Variants in ROBO2 observed in about 807,000 individuals in gnomAD.
ROBO2 encodes the protein roundabout homolog 2.
ROBO2 carries 53 observed loss-of-function variants against 160.8 expected under a neutral mutation model. That is an observed-to-expected ratio of 0.33 (90% CI 0.26 to 0.41). ROBO2 has a LOEUF of 0.41. Among genes scored for constraint, ROBO2 ranks in the 10% least tolerant of loss-of-function variants. The pLI is 1.00. For missense variants in ROBO2, 1,577 were observed against 1,722.4 expected, an observed-to-expected ratio of 0.92 and a Z score of 1.49; for synonymous variants, 664 against 611.7, an observed-to-expected ratio of 1.09 and a Z score of -1.26.
At chr3:77,572,793 G>T (rs561651340) in intron 13 of ROBO2, among the ~76,000 whole-genome samples, 36 of 151,780 alleles carry the variant, frequency 2.4e-4, no homozygotes, top group Non-Finnish European at 4.6e-4. Context: ...ACATTCATTT[G>T]TTGCCCCCAA....
At chr3:76,475,483 C>G (rs546597039) in intron 2 of ROBO2, among the ~76,000 whole-genome samples, 2 of 150,912 alleles carry the variant, frequency 1.3e-5, no homozygotes, top group Non-Finnish European at 2.9e-5. Context: ...CATTATCTGA[C>G]TTTCACTTTA....
chr3:77,537,507 G>A (rs1353347137), intron 6 of ROBO2, among the ~76,000 whole-genome samples: 1 of 152,054 alleles, frequency 6.6e-6, no homozygotes, highest in Non-Finnish European at 1.5e-5. Flanking sequence ...ATGACTCATG[G>A]TAGTCATTCT....
At chr3:76,550,917 G>GA (rs2083376582) in intron 2 of ROBO2, among the ~76,000 whole-genome samples, 1 of 152,156 alleles carries the variant, frequency 6.6e-6, no homozygotes, top group Non-Finnish European at 1.5e-5. Flanking sequence ...GCAACCCTTA[G>GA]TGTGAACAGC....
chr3:76,689,504 C>T (rs1246866070), intron 2 of ROBO2, among the ~76,000 whole-genome samples: 2 of 152,048 alleles, frequency 1.3e-5, no homozygotes, highest in Non-Finnish European at 2.9e-5. Flanking sequence ...AGTTTTCTAG[C>T]TATTTTGAAA....
intron 2 of ROBO2, among the ~76,000 whole-genome samples, chr3:76,875,195 C>T (rs983526141): frequency 9.9e-5 from 15 of 152,114 alleles, no homozygotes; most frequent in South Asian, 4.2e-4. Flanking sequence ...CAGGAGGATG[C>T]GGCAACGGGG....
chr3:76,171,404 T>G (rs945405454), intron 2 of ROBO2, among the ~76,000 whole-genome samples: 9 of 151,758 alleles, frequency 5.9e-5, no homozygotes, highest in African/African-American at 2.2e-4. Context: ...GAAAGGGAAG[T>G]CAAACCTTGA....
rs571187739 is a variant in ROBO2, at chr3:75,917,806, C to A, written c.-14+10846C>A. On this transcript the variant is annotated intron_variant, in intron 1 of 26. Transcript: ENST00000487694. ...TGACCAGTGATTATGAGCTTTTTTT[C>A]ATGTGTTTATTGGCCACATACATGT... is the stretch of plus-strand genomic sequence containing the variant. Among the ~76,000 whole-genome samples the A allele has an allele frequency of 3.3e-5, 5 of 152,220 alleles. No individual in the cohort carries two copies. In the South Asian group the frequency reaches 1.0e-3, roughly 32 times the overall value.
chr3:76,006,266 A>T (rs2066017367), intron 2 of ROBO2, among the ~76,000 whole-genome samples: 1 of 152,160 alleles, frequency 6.6e-6, no homozygotes, highest in Non-Finnish European at 1.5e-5. Context: ...TGGAAATTGT[A>T]TGTGATAGCA....
chr3:75,970,514 A>G (rs148674390), intron 2 of ROBO2, among the ~76,000 whole-genome samples: 161 of 151,710 alleles, frequency 1.1e-3, no homozygotes, highest in Non-Finnish European at 1.8e-3. Context: ...TCTAAACAGT[A>G]TGTATTGTTT....
chr3:77,601,006 A>G (rs1050498948), intron 19 of ROBO2, among the ~76,000 whole-genome samples: 1 of 152,206 alleles, frequency 6.6e-6, no homozygotes, highest in Non-Finnish European at 1.5e-5. Flanking sequence ...ACAAGCTCCA[A>G]ACTTCAAAAC....
chr3:76,332,751 T>C (rs1439908848), intron 2 of ROBO2, among the ~76,000 whole-genome samples: 3 of 152,194 alleles, frequency 2.0e-5, no homozygotes, highest in Non-Finnish European at 4.4e-5. Flanking sequence ...AAAATAATTT[T>C]TTTTTCCTTC....
At chr3:77,331,421 A>T (rs1235247842) in intron 2 of ROBO2, among the ~76,000 whole-genome samples, 1 of 152,154 alleles carries the variant, frequency 6.6e-6, no homozygotes, top group Non-Finnish European at 1.5e-5. Context: ...AGACTGAAAA[A>T]CAATAAAGCT....
chr3:76,712,240 A>G (rs1257476611), intron 2 of ROBO2, among the ~76,000 whole-genome samples: 1 of 152,212 alleles, frequency 6.6e-6, no homozygotes, highest in Non-Finnish European at 1.5e-5. Context: ...ATCCTTACAT[A>G]AGCTAGATCA....
chr3:76,444,823 C>A (rs563024819), intron 2 of ROBO2, among the ~76,000 whole-genome samples: 1 of 152,046 alleles, frequency 6.6e-6, no homozygotes, highest in Non-Finnish European at 1.5e-5. Context: ...TTGTTTTTAC[C>A]GCTTTTTTAC....
Position 76,353,173 on chromosome 3 carries a change from G to A in ROBO2, c.109+415571G>A, listed in dbSNP as rs777413872. ...ATACTGCTTTGGATCCCTGTTTCAC[G>A]CAGATGACAGAGGCAGGTCTGTCCT... On this transcript the variant is annotated intron_variant, in intron 2 of 26. Coordinates refer to the ROBO2 transcript ENST00000487694. 2.3e-4 allele frequency among the ~76,000 whole-genome samples: 35 copies of A among 152,066 alleles called. 1 individual carries two copies. Among genetic ancestry groups the A allele is most frequent in the Non-Finnish European group, 4.0e-4 (27 of 67,938 alleles).
chr3:76,696,341 G>A (rs770506673), intron 2 of ROBO2, among the ~76,000 whole-genome samples: 1 of 151,132 alleles, frequency 6.6e-6, no homozygotes, highest in African/African-American at 2.4e-5. Flanking sequence ...GTTACCCCTA[G>A]ACACTTATTT....
intron 13 of ROBO2, 97 bp from the exon 15 acceptor site, chr3:77,574,402 T>C: frequency 1.0e-6 from 1 of 1,002,594 alleles, no homozygotes; most frequent in Non-Finnish European, 1.6e-6. Context: ...TTGATAGTTA[T>C]GAGGACAGAA....
At chr3:77,111,683 G>A (rs1049796677) in intron 2 of ROBO2, among the ~76,000 whole-genome samples, 1 of 151,946 alleles carries the variant, frequency 6.6e-6, no homozygotes, top group African/African-American at 2.4e-5. Flanking sequence ...TTCTTTTTTA[G>A]GGGAAGGGAA....
chr3:76,170,492 T>C (rs2073001973), intron 2 of ROBO2, among the ~76,000 whole-genome samples: 1 of 152,152 alleles, frequency 6.6e-6, no homozygotes, highest in Non-Finnish European at 1.5e-5. Context: ...AAAAAGCAAA[T>C]GATACTGGCC....
Sources: gnomAD v4.1 joint callset for allele counts (sites outside exome capture counted in the v4.1 genomes callset) on GRCh38, gnomAD v4.1.1 for gene constraint, MANE v1.5 for transcripts, NCBI Gene and HGNC (gene_info 2026-07-23, HGNC 2026-07-21) for gene names.